Variants in MAP2 observed in about 807,000 individuals in gnomAD.
MAP2 encodes the protein microtubule-associated protein 2.
In MAP2, 14 loss-of-function variants were observed where a neutral mutation model predicts 137.6. The observed-to-expected ratio is 0.10, with a 90% CI of 0.07 to 0.16. The LOEUF (loss-of-function observed/expected upper bound fraction) is 0.16. Ranked by LOEUF, MAP2 falls within the 10% of genes least tolerant of loss-of-function variation. The probability of loss-of-function intolerance (pLI) is 1.00; values close to 1 mark genes in which losing one functional copy is unlikely to be tolerated. For missense variants in MAP2, 2,088 were observed against 2,191.5 expected (o/e 0.95, Z 0.94); for synonymous variants, 786 against 782.3 (o/e 1.00, Z -0.08).
intron 1 of MAP2, among the ~76,000 whole-genome samples, chr2:209,447,849 A>T (rs1245965121): frequency 1.3e-5 from 2 of 152,088 alleles, no homozygotes; most frequent in African/African-American, 2.4e-5. Flanking sequence ...CAAGGACTGC[A>T]AAGTTCAGTA....
At chr2:209,431,529 A>G (rs1476209721) in intron 1 of MAP2, among the ~76,000 whole-genome samples, 1 of 152,148 alleles carries the variant, frequency 6.6e-6, no homozygotes, top group Admixed American at 6.5e-5. Context: ...AGAATGTTTG[A>G]TGGGGAAAAG....
intron 1 of MAP2, among the ~76,000 whole-genome samples, chr2:209,502,020 A>G (rs2060443666): frequency 6.6e-6 from 1 of 152,184 alleles, no homozygotes; most frequent in Non-Finnish European, 1.5e-5. Context: ...TGATATATAT[A>G]TATACACACA....
chr2:209,508,748 AG>A (rs887184818), intron 2 of MAP2, among the ~76,000 whole-genome samples: 1 of 152,072 alleles, frequency 6.6e-6, no homozygotes, highest in African/African-American at 2.4e-5. Context: ...TAAAGAAAAA[AG>A]GTGAAATGTC....
chr2:209,681,856 T>C (rs2153690880), intron 7 of MAP2, among the ~76,000 whole-genome samples: 1 of 152,298 alleles, frequency 6.6e-6, no homozygotes, highest in East Asian at 1.9e-4. Context: ...GTGAACCATA[T>C]ATTATCACCT....
chr2:209,454,136 C>A (rs1294300694), intron 1 of MAP2, among the ~76,000 whole-genome samples: 2 of 105,188 alleles, frequency 1.9e-5, no homozygotes, highest in African/African-American at 4.0e-5. Context: ...GGCAACAGAG[C>A]GAGACTCTGT....
chr2:209,560,595 C>A (rs1295012843), intron 2 of MAP2, among the ~76,000 whole-genome samples: 2 of 151,776 alleles, frequency 1.3e-5, no homozygotes, highest in African/African-American at 4.8e-5. Flanking sequence ...TCCCCCACCC[C>A]TCAGGCTCTC....
rs142105837 is a variant in MAP2, at chr2:209,694,937, G to A, written c.2767G>A (p.Gly923Arg). 4.6e-5 allele frequency: 75 copies of A among 1,613,994 alleles called. No individual in the cohort carries two copies. The African/African-American group carries it at 4.8e-4, about 10-fold the overall frequency. The change falls in exon 8 of 16, where the codon GGA becomes AGA. Residue 923 changes from glycine (G) to arginine (R), a missense_variant. Physicochemically the swap from Gly to Arg is moderately radical, Grantham distance 125. Transcript: ENST00000682079. ...SLIEVKLAAAGRVKDEFSVDK... is the reference protein window; with the variant it reads ...SLIEVKLAAARRVKDEFSVDK... ...GATTGAAGTGAAACTGGCAGCAGCC[G>A]GAAGAGTCAAAGATGAGTTCAGTGT...
chr2:209,511,673 T>G (rs187866190), intron 2 of MAP2, among the ~76,000 whole-genome samples: 3 of 152,200 alleles, frequency 2.0e-5, no homozygotes, highest in East Asian at 1.9e-4. Context: ...TGGGCTCAAG[T>G]TGTCCTCTCA....
At chr2:209,588,281 C>G (rs529063444) in intron 3 of MAP2, among the ~76,000 whole-genome samples, 9 of 152,336 alleles carry the variant, frequency 5.9e-5, no homozygotes, top group African/African-American at 2.2e-4. Context: ...GATTGTCTCT[C>G]TTTCTCAAAA....
rs545282326 is a variant in MAP2 at position 209,650,388 on chromosome 2, C to A, written c.-29-2754C>A. On this transcript the variant is annotated intron_variant, in intron 4 of 15. Coordinates refer to ENST00000682079, the MANE Select transcript of MAP2 (RefSeq NM_001375505.1). ...TTTCAGAAGGCTCATAGTGTTCCTACCCACGTAGCTTAGCATCTCATCTGA... is the reference window on the plus strand; with the variant it reads ...TTTCAGAAGGCTCATAGTGTTCCTAACCACGTAGCTTAGCATCTCATCTGA... 3.9e-5 allele frequency among the ~76,000 whole-genome samples: 6 copies of A among 152,258 alleles called. No individual in the cohort carries two copies. The East Asian group carries it at 1.2e-3, about 29-fold the overall frequency.
At chr2:209,505,187 T>C (rs887589229) in intron 1 of MAP2, among the ~76,000 whole-genome samples, 1 of 152,188 alleles carries the variant, frequency 6.6e-6, no homozygotes, top group African/African-American at 2.4e-5. Flanking sequence ...ATGGCACCCT[T>C]AGTATCTCAG....
intron 2 of MAP2, among the ~76,000 whole-genome samples, chr2:209,578,628 T>C (rs1396833030): frequency 6.6e-6 from 1 of 152,198 alleles, no homozygotes; most frequent in Non-Finnish European, 1.5e-5. Context: ...CTAACAATGC[T>C]GTAAAAATTA....
intron 4 of MAP2, among the ~76,000 whole-genome samples, chr2:209,649,235 T>C (rs1040225456): frequency 6.6e-6 from 1 of 152,080 alleles, no homozygotes; most frequent in Admixed American, 6.6e-5. Context: ...CAGGCTGGTC[T>C]TGAACTCCTG....
At chr2:209,470,250 A>T (rs1429443114) in intron 1 of MAP2, among the ~76,000 whole-genome samples, 1 of 152,198 alleles carries the variant, frequency 6.6e-6, no homozygotes, top group Non-Finnish European at 1.5e-5. Flanking sequence ...CATTAGAAAC[A>T]GCTTGTCATG....
At chr2:209,465,576 G>A (rs958196623) in intron 1 of MAP2, among the ~76,000 whole-genome samples, 30 of 151,978 alleles carry the variant, frequency 2.0e-4, no homozygotes, top group African/African-American at 7.2e-4. Flanking sequence ...AGCAAACCTG[G>A]GTTTTAAAAT....
intron 13 of MAP2, among the ~76,000 whole-genome samples, chr2:209,713,196 T>C (rs2066117589): frequency 6.6e-6 from 1 of 152,224 alleles, no homozygotes. Context: ...ATTGGGGTTT[T>C]AAAATTTGTG....
At chr2:209,633,725 G>T (rs892460336) in intron 4 of MAP2, among the ~76,000 whole-genome samples, 1 of 152,126 alleles carries the variant, frequency 6.6e-6, no homozygotes, top group Non-Finnish European at 1.5e-5. Flanking sequence ...AGCTGGAATT[G>T]TGAGACCATG....
chr2:209,627,929 T>G (rs964462190), intron 4 of MAP2, among the ~76,000 whole-genome samples: 1 of 152,164 alleles, frequency 6.6e-6, no homozygotes, highest in Non-Finnish European at 1.5e-5. Flanking sequence ...AGTGAAAATG[T>G]TTTGCAAATG....
chr2:209,473,076 CCTT>C (rs1559206586), intron 1 of MAP2, among the ~76,000 whole-genome samples: 1 of 152,080 alleles, frequency 6.6e-6, no homozygotes, highest in Non-Finnish European at 1.5e-5. Context: ...GACTTCATAC[CCTT>C]CTTAAAGTAT....
Sources: gnomAD v4.1 joint callset for allele counts (sites outside exome capture counted in the v4.1 genomes callset) on GRCh38, gnomAD v4.1.1 for gene constraint, MANE v1.5 for transcripts, NCBI Gene and HGNC (gene_info 2026-07-23, HGNC 2026-07-21) for gene names.